The following ZPBP variants were observed in gnomAD, a reference collection of about 807,000 sequenced individuals.
ZPBP encodes zona pellucida binding protein, also known as zona pellucida-binding protein 1.
ZPBP carries 26 observed loss-of-function variants against 44.8 expected under a neutral mutation model. The observed-to-expected ratio is 0.58, with a 90% CI of 0.43 to 0.81. The LOEUF (loss-of-function observed/expected upper bound fraction) is 0.81, where lower values mean the gene tolerates loss of function less well. Among genes scored for constraint, ZPBP ranks in the 30% least tolerant of loss-of-function variants. The pLI is 0.00. For synonymous variants in ZPBP, 174 were observed against 153.2 expected (o/e 1.14, Z -1.00); for missense variants, 409 against 434.0 (o/e 0.94, Z 0.51).
intron 6 of ZPBP, among the ~76,000 whole-genome samples, chr7:49,996,120 TC>T (rs1797826949): frequency 6.6e-6 from 1 of 152,192 alleles, no homozygotes; most frequent in African/African-American, 2.4e-5. Context: ...ATTACATGTA[TC>T]CCGTCAATAT....
At chr7:49,888,624 C>T (rs750865281) in intron 2 of ZPBP, among the ~76,000 whole-genome samples, 2 of 152,064 alleles carry the variant, frequency 1.3e-5, no homozygotes, top group African/African-American at 4.8e-5. Flanking sequence ...ATGAAGTGCA[C>T]CTTTTGCCAG....
chr7:49,964,603 A>G (rs1583927463), intron 7 of ZPBP, among the ~76,000 whole-genome samples: 1 of 152,122 alleles, frequency 6.6e-6, no homozygotes, highest in Admixed American at 6.6e-5. Context: ...AAAGACAGGT[A>G]TATCACACTT....
At chr7:49,907,920 T>A (rs1429784797) in intron 1 of ZPBP, among the ~76,000 whole-genome samples, 1 of 152,140 alleles carries the variant, frequency 6.6e-6, no homozygotes, top group Non-Finnish European at 1.5e-5. Context: ...TCAGAGCTCT[T>A]ATCAGACCTA....
intron 1 of ZPBP, among the ~76,000 whole-genome samples, chr7:49,903,546 T>C (rs1792893523): frequency 6.6e-6 from 1 of 152,154 alleles, no homozygotes; most frequent in Admixed American, 6.5e-5. Context: ...AATAAAACAA[T>C]AGATATGGAG....
intron 7 of ZPBP, among the ~76,000 whole-genome samples, chr7:49,950,490 T>G (rs1795293545): frequency 6.6e-6 from 1 of 151,810 alleles, no homozygotes; most frequent in African/African-American, 2.4e-5. Flanking sequence ...CAATGATCTC[T>G]ATACTTAAGA....
chr7:49,977,972 A>G (rs1055234689), intron 7 of ZPBP, among the ~76,000 whole-genome samples: 1 of 152,084 alleles, frequency 6.6e-6, no homozygotes, highest in Admixed American at 6.6e-5. Flanking sequence ...TACACCTATG[A>G]GTTTTAAAAC....
chr7:49,868,800 G>A (rs531621940), intron 2 of ZPBP, among the ~76,000 whole-genome samples: 2 of 152,090 alleles, frequency 1.3e-5, no homozygotes, highest in South Asian at 2.1e-4. Flanking sequence ...TTGTATTTTT[G>A]TAGAGACAAG....
intron 1 of ZPBP, among the ~76,000 whole-genome samples, chr7:49,903,287 C>T (rs1273415365): frequency 6.6e-6 from 1 of 152,096 alleles, no homozygotes; most frequent in Non-Finnish European, 1.5e-5. Flanking sequence ...AGACTATGTT[C>T]ACAGAAAATA....
chr7:50,088,308 T>TA (rs1168626318), intron 2 of ZPBP, among the ~76,000 whole-genome samples: 1 of 152,026 alleles, frequency 6.6e-6, no homozygotes, highest in Non-Finnish European at 1.5e-5. Flanking sequence ...ATGTCAGAGT[T>TA]AAAACTACAA....
At chr7:50,064,939 A>C (rs1263485339) in intron 3 of ZPBP, among the ~76,000 whole-genome samples, 1 of 152,228 alleles carries the variant, frequency 6.6e-6, no homozygotes, top group Non-Finnish European at 1.5e-5. Context: ...TGAAATCTTT[A>C]CAATTTTATG....
intron 7 of ZPBP, among the ~76,000 whole-genome samples, chr7:49,960,366 AGCTCATGCCACTGCACTCCAGCCTGG>A (rs1795811895): frequency 6.6e-6 from 1 of 152,116 alleles, no homozygotes; most frequent in African/African-American, 2.4e-5. Flanking sequence ...GGTTGCAATG[AGCTCATGCCACTGCACTCCAGCCTGG>A]GCAGCAGAGC....
chr7:49,969,771 G>T (rs1583938767), intron 7 of ZPBP, among the ~76,000 whole-genome samples: 1 of 149,642 alleles, frequency 6.7e-6, no homozygotes, highest in Non-Finnish European at 1.5e-5. Flanking sequence ...TGCAAATTTG[G>T]TTTAAGAGTA....
chr7:49,971,204 A>G (rs1225817054), intron 7 of ZPBP, among the ~76,000 whole-genome samples: 1 of 152,170 alleles, frequency 6.6e-6, no homozygotes, highest in African/African-American at 2.4e-5. Flanking sequence ...AAAGACTGCT[A>G]ATCAGTAAAC....
chr7:49,948,023 C>T (rs1215663158), intron 7 of ZPBP, among the ~76,000 whole-genome samples: 5 of 152,220 alleles, frequency 3.3e-5, no homozygotes, highest in Non-Finnish European at 5.9e-5. Flanking sequence ...CCAATGTTCA[C>T]TCGAGGCCCA....
At chr7:50,076,624 G>C (rs766605935) in intron 3 of ZPBP, among the ~76,000 whole-genome samples, 2 of 151,250 alleles carry the variant, frequency 1.3e-5, no homozygotes, top group Non-Finnish European at 3.0e-5. Context: ...AATGTAAAAA[G>C]AAATAAAAAA....
intron 6 of ZPBP, among the ~76,000 whole-genome samples, chr7:50,014,680 G>A (rs1798742924): frequency 6.6e-6 from 1 of 151,580 alleles, no homozygotes; most frequent in African/African-American, 2.4e-5. Context: ...GGGCAGGCTG[G>A]TCTCGAACTC....
At chr7:49,929,110 C>T (rs1794358750) in intron 1 of ZPBP, among the ~76,000 whole-genome samples, 1 of 152,178 alleles carries the variant, frequency 6.6e-6, no homozygotes, top group African/African-American at 2.4e-5. Flanking sequence ...TTCCCAGTGA[C>T]TTAAGAAATG....
intron 7 of ZPBP, 101 bp from the exon 8 acceptor site, chr7:49,937,723 G>T (rs1316131555): frequency 2.2e-6 from 2 of 928,822 alleles, no homozygotes; most frequent in Admixed American, 1.9e-5. Context: ...GTAGTATTAA[G>T]CATATTCACA....
intron 4 of ZPBP, among the ~76,000 whole-genome samples, chr7:50,057,550 A>G (rs947183307): frequency 3.9e-5 from 6 of 152,128 alleles, no homozygotes; most frequent in Non-Finnish European, 8.8e-5. Flanking sequence ...ACACATATCA[A>G]CTGAGCTCTG....
Sources: allele counts gnomAD v4.1 joint callset (sites outside exome capture counted in the v4.1 genomes callset), GRCh38; gene constraint gnomAD v4.1.1; transcripts MANE v1.5; gene names NCBI Gene and HGNC (gene_info 2026-07-23, HGNC 2026-07-21).